Variants in BMPR1A observed in about 807,000 individuals in gnomAD.
The protein encoded by BMPR1A is bone morphogenetic protein receptor type 1A, also known as bone morphogenetic protein receptor type-1A.
A neutral mutation model predicts 66.0 loss-of-function variants in BMPR1A; 7 were observed. That is an observed-to-expected ratio of 0.11 (90% CI 0.06 to 0.20). The LOEUF (loss-of-function observed/expected upper bound fraction) is 0.20. BMPR1A is among the 10% of genes least tolerant of loss of function. The probability of loss-of-function intolerance (pLI) is 1.00; values close to 1 mark genes in which losing one functional copy is unlikely to be tolerated. For missense variants in BMPR1A, 408 were observed against 669.1 expected (o/e 0.61, Z 4.31); for synonymous variants, 200 against 229.7 (o/e 0.87, Z 1.17).
chr10:86,840,071 CA>C (rs1842404604), intron 2 of BMPR1A, among the ~76,000 whole-genome samples: 1 of 152,142 alleles, frequency 6.6e-6, no homozygotes, highest in African/African-American at 2.4e-5. Flanking sequence ...CATCCTAAGA[CA>C]GTATGTACAG....
At position 86,926,661 on chromosome 10, in the gene BMPR1A, AAGTATTATG is replaced by A. The variant is rs1843750561; in HGVS notation, c.*2943_*2951del. Reference sequence around the variant, plus strand: ...AAGAATATGATAGGCCAGCAAGAAGAAGTATTATGTAGTACCATAGTTAGTAAATTCGTA... The same window carrying A: ...AAGAATATGATAGGCCAGCAAGAAGATAGTACCATAGTTAGTAAATTCGTA... On this transcript the variant is annotated 3_prime_UTR_variant, in exon 13 of 13. Coordinates refer to ENST00000372037, the MANE Select transcript of BMPR1A (RefSeq NM_004329.3). 5.4e-6 allele frequency: 1 copy of A among 183,648 alleles called. No homozygotes were observed. The highest frequency in any genetic ancestry group is 1.2e-5 in the Non-Finnish European group (1 of 86,490). The allele number at this position is 183,648 out of a possible 1,614,324, so 11.4% of individuals were successfully genotyped here. A position where few individuals can be genotyped will look rare whatever the true frequency, so the allele number is the denominator to read the frequency against.
intron 2 of BMPR1A, among the ~76,000 whole-genome samples, chr10:86,843,878 A>G (rs1473009636): frequency 6.6e-6 from 1 of 152,190 alleles, no homozygotes; most frequent in Non-Finnish European, 1.5e-5. Flanking sequence ...AGATTGTGGC[A>G]CTAGTTAGGC....
At chr10:86,834,016 A>G (rs1842307908) in intron 1 of BMPR1A, among the ~76,000 whole-genome samples, 1 of 152,172 alleles carries the variant, frequency 6.6e-6, no homozygotes, top group South Asian at 2.1e-4. Context: ...TTGTTTACAC[A>G]TTCAAACCCA....
chr10:86,913,604 A>G (rs899755951), intron 8 of BMPR1A, among the ~76,000 whole-genome samples: 2 of 152,178 alleles, frequency 1.3e-5, no homozygotes, highest in African/African-American at 2.4e-5. Context: ...ATACAGAGTC[A>G]TTGTACAAAT....
intron 1 of BMPR1A, among the ~76,000 whole-genome samples, chr10:86,760,044 C>T (rs1841013332): frequency 7.1e-6 from 1 of 141,388 alleles, no homozygotes; most frequent in Non-Finnish European, 1.5e-5. Flanking sequence ...ATTTTCTTGC[C>T]TTCACTTTTC....
rs796551885 is a variant in BMPR1A, at chr10:86,866,414, T to C, written c.-152-9453T>C. On this transcript the variant is annotated intron_variant, in intron 2 of 12. Coordinates refer to ENST00000372037, the MANE Select transcript of BMPR1A (RefSeq NM_004329.3). Reference sequence around the variant, plus strand: ...AAGTTTCTTTCTTTTTTTTTTTTTTTTTTTTTTTTTTTGAGATGGAGTCTC... The same window carrying C: ...AAGTTTCTTTCTTTTTTTTTTTTTTCTTTTTTTTTTTTGAGATGGAGTCTC... 5.1e-4 allele frequency among the ~76,000 whole-genome samples: 67 copies of C among 131,348 alleles called. 5 individuals are homozygous for C. Among genetic ancestry groups the C allele is most frequent in the Middle Eastern group, 3.5e-3 (1 of 282 alleles). 86.2% of individuals were successfully genotyped at this position (131,348 alleles called of 152,430 possible). A position where few individuals can be genotyped will look rare whatever the true frequency, so the allele number is the denominator to read the frequency against.
intron 1 of BMPR1A, among the ~76,000 whole-genome samples, chr10:86,761,981 T>G (rs1841067242): frequency 6.6e-6 from 1 of 152,238 alleles, no homozygotes; most frequent in Non-Finnish European, 1.5e-5. Context: ...GTGCTGGAGG[T>G]AGGCATTTGG....
At chr10:86,757,350 G>A (rs1847890011) in intron 1 of BMPR1A, among the ~76,000 whole-genome samples, 1 of 151,952 alleles carries the variant, frequency 6.6e-6, no homozygotes, top group South Asian at 2.1e-4. Flanking sequence ...AGTGAGAGGA[G>A]CAGCCGGCCC....
chr10:86,861,131 G>A (rs1175577213), intron 2 of BMPR1A, among the ~76,000 whole-genome samples: 1 of 152,100 alleles, frequency 6.6e-6, no homozygotes, highest in East Asian at 1.9e-4. Flanking sequence ...GTGAGCCACC[G>A]CGCCTGGCCT....
At chr10:86,803,779 T>A (rs575468085) in intron 1 of BMPR1A, among the ~76,000 whole-genome samples, 31 of 152,266 alleles carry the variant, frequency 2.0e-4, no homozygotes, top group Non-Finnish European at 4.0e-4. Context: ...CGAGGATATT[T>A]GTTTATTTTT....
In BMPR1A at chr10:86,923,690, A is replaced by C. The variant is rs747640982; in HGVS notation, c.1570A>C (p.Met524Leu). 6.2e-7 allele frequency: 1 copy of C among 1,614,082 alleles called. No homozygotes were observed. The highest frequency in any genetic ancestry group is 1.7e-5 in the Admixed American group (1 of 60,030). ...ALRIKKTLAK[M>L]VESQDVKI ...GAGAATTAAGAAGACGCTTGCCAAG[A>C]TGGTTGAATCCCAAGATGTAAAAAT... Residue 524 changes from methionine (M) to leucine (L), a missense_variant, in exon 13 of 13, where the codon ATG becomes CTG. Physicochemically the swap from Met to Leu is conservative, Grantham distance 15. Around this residue, in one of 5 missense-constraint regions of BMPR1A, gnomAD observed 130 missense variants for 257.3 expected, o/e 0.51. Transcript: ENST00000372037.
Position 86,925,384 on chromosome 10 carries a change from C to T in BMPR1A, c.*1665C>T, listed in dbSNP as rs1218625492. On this transcript the variant is annotated 3_prime_UTR_variant, in exon 13 of 13. Transcript: ENST00000372037. ...TAAATGGGAGGAAATCAGCATATGTCCACCCATTACCAAAATTTGACTATC... is the reference window on the plus strand; with the variant it reads ...TAAATGGGAGGAAATCAGCATATGTTCACCCATTACCAAAATTTGACTATC... The T allele has an allele frequency of 4.6e-6, 1 of 219,130 alleles. No individual in the cohort carries two copies. The highest frequency in any genetic ancestry group is 2.2e-5 in the African/African-American group (1 of 44,518). The allele number at this position is 219,130 out of a possible 1,614,324, so 13.6% of individuals were successfully genotyped here.
intron 1 of BMPR1A, among the ~76,000 whole-genome samples, chr10:86,793,414 A>G (rs1841660211): frequency 2.0e-5 from 3 of 147,224 alleles, no homozygotes; most frequent in South Asian, 2.1e-4. Context: ...CCCAGGCTGG[A>G]GTGCAATGGC....
chr10:86,864,726 T>C (rs1842758444), intron 2 of BMPR1A, among the ~76,000 whole-genome samples: 1 of 152,222 alleles, frequency 6.6e-6, no homozygotes, highest in Non-Finnish European at 1.5e-5. Context: ...CTCCCAATTC[T>C]GTCCTTTAAT....
intron 2 of BMPR1A, among the ~76,000 whole-genome samples, chr10:86,847,229 C>T (rs573658502): frequency 3.3e-5 from 5 of 152,234 alleles, no homozygotes; most frequent in African/African-American, 1.2e-4. Flanking sequence ...GGAGAGCATG[C>T]CACAAGGTTT....
intron 2 of BMPR1A, among the ~76,000 whole-genome samples, chr10:86,872,577 A>G (rs1392073093): frequency 1.3e-5 from 2 of 152,096 alleles, no homozygotes; most frequent in Non-Finnish European, 2.9e-5. Flanking sequence ...ATTTATGACT[A>G]CTGGCACATA....
intron 1 of BMPR1A, among the ~76,000 whole-genome samples, chr10:86,820,752 A>G (rs1770082513): frequency 6.6e-6 from 1 of 152,124 alleles, no homozygotes. Flanking sequence ...TATACTTCTT[A>G]CTGGCCACTG....
At chr10:86,795,465 A>G (rs1363949915) in intron 1 of BMPR1A, among the ~76,000 whole-genome samples, 1 of 151,686 alleles carries the variant, frequency 6.6e-6, no homozygotes, top group African/African-American at 2.4e-5. Context: ...TTTTTCCCCT[A>G]AGCAGCACAA....
Position 86,768,125 on chromosome 10 carries a change from A to C in BMPR1A, c.-268+11206A>C, listed in dbSNP as rs528337243. On this transcript the variant is annotated intron_variant, in intron 1 of 12. Transcript: ENST00000372037. Reference sequence around the variant, plus strand: ...TTGCAGATGTGTTCTTTGTCAGTTTAATTTATCAGACCTCAATTACTGAAC... The same window carrying C: ...TTGCAGATGTGTTCTTTGTCAGTTTCATTTATCAGACCTCAATTACTGAAC... Among the ~76,000 whole-genome samples the C allele has an allele frequency of 1.6e-3, 237 of 152,308 alleles. 2 individuals carry two copies. Among genetic ancestry groups the C allele is most frequent in the Admixed American group, 3.2e-3 (49 of 15,292 alleles).
Sources: allele counts gnomAD v4.1 joint callset (sites outside exome capture counted in the v4.1 genomes callset), GRCh38; gene constraint gnomAD v4.1.1; regional missense constraint gnomAD v4.1.1; transcripts MANE v1.5; gene names NCBI Gene and HGNC (gene_info 2026-07-23, HGNC 2026-07-21).